The following BTBD9 variants were observed in gnomAD, a reference collection of about 807,000 sequenced individuals.
The protein encoded by BTBD9 is BTB domain containing 9, also known as BTB/POZ domain-containing protein 9.
BTBD9 carries 49 observed loss-of-function variants against 64.3 expected under a neutral mutation model. The observed-to-expected ratio is 0.76, with a 90% confidence interval of 0.61 to 0.97. BTBD9 has a LOEUF of 0.97. BTBD9 is among the 50% of genes least tolerant of loss of function. BTBD9 has a pLI of 0.00. For synonymous variants in BTBD9, 260 were observed against 274.7 expected (o/e 0.95, Z 0.53); for missense variants, 598 against 762.1 (o/e 0.78, Z 2.53).
chr6:38,456,189 T>C (rs1458067217), intron 6 of BTBD9, among the ~76,000 whole-genome samples: 3 of 152,102 alleles, frequency 2.0e-5, no homozygotes, highest in Admixed American at 6.5e-5. Flanking sequence ...GGTTTCACCA[T>C]GTTGGCCAGG....
At chr6:38,570,458 A>T (rs1250279836) in intron 6 of BTBD9, among the ~76,000 whole-genome samples, 1 of 152,218 alleles carries the variant, frequency 6.6e-6, no homozygotes, top group African/African-American at 2.4e-5. Context: ...TAAGAATTAC[A>T]CAAGGTAATG....
intron 8 of BTBD9, among the ~76,000 whole-genome samples, chr6:38,276,550 G>A (rs1484143401): frequency 6.6e-6 from 1 of 152,092 alleles, no homozygotes; most frequent in African/African-American, 2.4e-5. Flanking sequence ...AAAGCAGACT[G>A]TATTTGTACT....
At chr6:38,307,585 A>G (rs1377938111) in intron 7 of BTBD9, among the ~76,000 whole-genome samples, 1 of 152,114 alleles carries the variant, frequency 6.6e-6, no homozygotes, top group Non-Finnish European at 1.5e-5. Context: ...CCTTTTGAAA[A>G]CTGGAGCCCC....
At chr6:38,404,480 C>G (rs142098185) in intron 6 of BTBD9, among the ~76,000 whole-genome samples, 1 of 152,036 alleles carries the variant, frequency 6.6e-6, no homozygotes, top group Non-Finnish European at 1.5e-5. Context: ...CATTCATTAC[C>G]GACAGCACAG....
chr6:38,302,485 G>GTATGTGTGTGTGTA (rs1384155514), intron 7 of BTBD9, among the ~76,000 whole-genome samples: 10 of 106,908 alleles, frequency 9.4e-5, no homozygotes, highest in African/African-American at 3.2e-4. Flanking sequence ...TTGTGTGTAT[G>GTATGTGTGTGTGTA]TATATATATA....
At chr6:38,436,286 ATACTT>A (rs1768733512) in intron 6 of BTBD9, among the ~76,000 whole-genome samples, 1 of 151,814 alleles carries the variant, frequency 6.6e-6, no homozygotes, top group African/African-American at 2.4e-5. Flanking sequence ...CTTTCTATAA[ATACTT>A]TATTTTCCAA....
At chr6:38,510,884 C>T (rs10947741) in intron 6 of BTBD9, among the ~76,000 whole-genome samples, 95,788 of 152,022 alleles carry the variant, frequency 0.63, 32,953 homozygotes, top group Non-Finnish European at 0.76. Context: ...TGCCTTCTTC[C>T]GAAATACCTC....
intron 1 of BTBD9, among the ~76,000 whole-genome samples, chr6:38,619,106 GGCTAT>G (rs1322503996): frequency 6.6e-6 from 1 of 152,168 alleles, no homozygotes; most frequent in Non-Finnish European, 1.5e-5. Context: ...TTCCTTGAGT[GGCTAT>G]GGGAGGACTT....
At chr6:38,388,782 G>C (rs972887824) in intron 6 of BTBD9, among the ~76,000 whole-genome samples, 3 of 152,084 alleles carry the variant, frequency 2.0e-5, no homozygotes, top group African/African-American at 7.2e-5. Flanking sequence ...GAACCTGAGG[G>C]TCATTTAAAC....
At position 38,508,112 on chromosome 6, in the gene BTBD9, C is replaced by T. The variant is rs181034487; in HGVS notation, c.1154+69488G>A. Among the ~76,000 whole-genome samples the T allele has an allele frequency of 6.2e-3, 942 of 152,218 alleles. 4 individuals are homozygous for T. Among genetic ancestry groups the T allele is most frequent in the Non-Finnish European group, 8.5e-3 (576 of 68,008 alleles). On this transcript the variant is annotated intron_variant, in intron 6 of 10. Transcript: ENST00000481247. ...CCTCCCAAAGTGCTGGGATTACAGG[C>T]GTGAGCCACCGCACCCGGCCATGTC...
Position 38,622,315 on chromosome 6 carries a change from A to C in BTBD9, c.-28+17485T>G, listed in dbSNP as rs561436253. On this transcript the variant is annotated intron_variant, in intron 1 of 10. Coordinates refer to ENST00000481247, the MANE Select transcript of BTBD9 (RefSeq NM_001099272.2). ...AATACTATGTTAGTCCCTGTTGATA[A>C]CTTTACAAATTGGATAGAAGCCTTC... 2.0e-5 allele frequency among the ~76,000 whole-genome samples: 3 copies of C among 152,338 alleles called. No homozygotes were observed. The East Asian group carries it at 5.8e-4, about 29-fold the overall frequency.
At chr6:38,502,693 TAATG>T (rs1772270871) in intron 6 of BTBD9, among the ~76,000 whole-genome samples, 1 of 152,246 alleles carries the variant, frequency 6.6e-6, no homozygotes, top group African/African-American at 2.4e-5. Flanking sequence ...GGCTTATCAT[TAATG>T]AGCACACTGT....
intron 9 of BTBD9, among the ~76,000 whole-genome samples, chr6:38,217,133 C>G (rs1187395050): frequency 6.8e-6 from 1 of 146,580 alleles, no homozygotes; most frequent in Non-Finnish European, 1.5e-5. Context: ...ATGGTGAAAC[C>G]CTTTCTCTAC....
intron 1 of BTBD9, among the ~76,000 whole-genome samples, chr6:38,616,324 C>T (rs1229991413): frequency 1.3e-5 from 2 of 152,174 alleles, no homozygotes; most frequent in African/African-American, 4.8e-5. Context: ...GCCAGTTGTG[C>T]CATGCTTGGA....
chr6:38,385,794 C>CTTTT (rs34019950), intron 6 of BTBD9, among the ~76,000 whole-genome samples: 21 of 129,422 alleles, frequency 1.6e-4, no homozygotes, highest in African/African-American at 5.3e-4. Flanking sequence ...TAATATCATA[C>CTTTT]TTTTTTTTTT....
chr6:38,438,184 G>GAAGGAGGA lies in BTBD9; in HGVS notation c.1155-93099_1155-93092dup, dbSNP rs796193112. 3.1e-3 allele frequency among the ~76,000 whole-genome samples: 410 copies of GAAGGAGGA among 131,864 alleles called. 5 individuals are homozygous for GAAGGAGGA. The highest frequency in any genetic ancestry group is 7.5e-3 in the Admixed American group (91 of 12,192). The allele number at this position is 131,864 out of a possible 152,430, so 86.5% of individuals were successfully genotyped here. A position where few individuals can be genotyped will look rare whatever the true frequency, so the allele number is the denominator to read the frequency against. Reference sequence around the variant, plus strand: ...AAACAGGAAAAAAAAAGGAAGGAAGGAAGGAGGAAAGGAGGAAAGGAAGGA... The same window carrying GAAGGAGGA: ...AAACAGGAAAAAAAAAGGAAGGAAGGAAGGAGGAAAGGAGGAAAGGAGGAAAGGAAGGA... On this transcript the variant is annotated intron_variant, in intron 6 of 10. Transcript: ENST00000481247.
intron 6 of BTBD9, among the ~76,000 whole-genome samples, chr6:38,404,908 A>G (rs1767097308): frequency 6.6e-6 from 1 of 152,208 alleles, no homozygotes; most frequent in Non-Finnish European, 1.5e-5. Context: ...TTCAGGTTAG[A>G]GCCCTAGCCC....
chr6:38,364,826 T>C (rs980753211), intron 6 of BTBD9, among the ~76,000 whole-genome samples: 2 of 152,170 alleles, frequency 1.3e-5, no homozygotes, highest in African/African-American at 2.4e-5. Flanking sequence ...ACCAACTAGA[T>C]TGACGAACAA....
At chr6:38,632,235 T>A (rs1778387677) in intron 1 of BTBD9, among the ~76,000 whole-genome samples, 1 of 152,254 alleles carries the variant, frequency 6.6e-6, no homozygotes. Context: ...TGCAGAATTA[T>A]AAATTTATAG....
Sources: allele counts gnomAD v4.1 joint callset (sites outside exome capture counted in the v4.1 genomes callset), GRCh38; gene constraint gnomAD v4.1.1; transcripts MANE v1.5; gene names NCBI Gene and HGNC (gene_info 2026-07-23, HGNC 2026-07-21).